ATAD5: variants seen among roughly 807,000 people sequenced by gnomAD.
The protein encoded by ATAD5 is ATPase family AAA domain-containing protein 5.
Under a neutral mutation model 176.9 loss-of-function variants are expected in ATAD5, and 58 were observed. The ratio of observed to expected loss-of-function variants is 0.33; its 90% CI spans 0.27 to 0.41. ATAD5 has a LOEUF of 0.41. Among genes scored for constraint, ATAD5 ranks in the 10% least tolerant of loss-of-function variants. The pLI is 1.00. For synonymous variants in ATAD5, 640 were observed against 712.6 expected, an observed-to-expected ratio of 0.90 and a Z score of 1.62; for missense variants, 1,789 against 2,094.1, an observed-to-expected ratio of 0.85 and a Z score of 2.84.
At chr17:30,860,232 G>A (rs910783696) in intron 9 of ATAD5, among the ~76,000 whole-genome samples, 11 of 152,062 alleles carry the variant, frequency 7.2e-5, no homozygotes, top group African/African-American at 2.7e-4. Flanking sequence ...CCATGTTACC[G>A]AGGCTGGTCT....
rs1339369874 is a variant in ATAD5 at position 30,879,429 on chromosome 17, C to T, written c.4019C>T (p.Thr1340Ile). Residue 1340 changes from threonine (T) to isoleucine (I), a missense_variant, in exon 18 of 23, where the codon ACA becomes ATA. Physicochemically the swap from Thr to Ile is moderately conservative, Grantham distance 89. Coordinates refer to ENST00000321990, the MANE Select transcript of ATAD5 (RefSeq NM_024857.5). ...TGTGTGTGTGTGTGTGTAGACCCAA[C>T]ATTTAGTTTAATGTTTGATGGCTGC... ...RPVILTTSDP[T>I]FSLMFDGCFE... 1.9e-6 allele frequency: 3 copies of T among 1,592,308 alleles called. No homozygotes were observed. The highest frequency in any genetic ancestry group is 1.7e-6 in the Non-Finnish European group (2 of 1,173,618).
At chr17:30,847,331 G>T (rs4968225) in intron 6 of ATAD5, among the ~76,000 whole-genome samples, 16,860 of 142,694 alleles carry the variant, frequency 0.12, 1,014 homozygotes, top group East Asian at 0.24. Flanking sequence ...TATATATAGA[G>T]AGAGAGAGAG....
Position 30,876,563 on chromosome 17 carries a change from A to T in ATAD5, c.3784+13A>T. Reference sequence around the variant, plus strand: ...GAAAATAATAAAGGTAAGACATTAAATTGACAAATTTTATATTTTTTAATA... The same window carrying T: ...GAAAATAATAAAGGTAAGACATTAATTTGACAAATTTTATATTTTTTAATA... On this transcript the variant is annotated intron_variant, in intron 15 of 22. Transcript: ENST00000321990. The T allele has an allele frequency of 6.7e-7, 1 of 1,491,276 alleles. No homozygotes were observed. Among genetic ancestry groups the T allele is most frequent in the Non-Finnish European group, 9.1e-7 (1 of 1,094,024 alleles). 92.4% of individuals were successfully genotyped at this position (1,491,276 alleles called of 1,614,324 possible).
intron 14 of ATAD5, among the ~76,000 whole-genome samples, chr17:30,874,369 C>A (rs1486217833): frequency 1.3e-5 from 2 of 150,718 alleles, no homozygotes; most frequent in South Asian, 2.1e-4. Flanking sequence ...GTTGAAATCC[C>A]GTCTCTACTA....
intron 19 of ATAD5, among the ~76,000 whole-genome samples, chr17:30,891,938 C>T (rs543956970): frequency 1.3e-5 from 2 of 150,440 alleles, no homozygotes; most frequent in Non-Finnish European, 3.0e-5. Flanking sequence ...AACTCCTGAA[C>T]TCAAGTGATC....
intron 4 of ATAD5, among the ~76,000 whole-genome samples, chr17:30,842,252 GA>G (rs1444038279): frequency 6.6e-6 from 1 of 151,382 alleles, no homozygotes; most frequent in Non-Finnish European, 1.5e-5. Flanking sequence ...CTGGGTAACA[GA>G]GTGAGACTCC....
intron 18 of ATAD5, 83 bp from the exon 19 acceptor site, chr17:30,887,109 C>T (rs1342304224): frequency 4.0e-6 from 5 of 1,243,752 alleles, no homozygotes; most frequent in Non-Finnish European, 5.4e-6. Context: ...AAATTTGTCT[C>T]ACTTTTAGAT....
rs139958754 is a variant in ATAD5, at chr17:30,835,209, A to T, written c.1128A>T (p.Glu376Asp). Residue 376 changes from glutamate (E) to aspartate (D), a missense_variant, in exon 2 of 23, where the codon GAA (glutamate) becomes GAT (aspartate). By Grantham distance (45) the Glu-to-Asp change is conservative. Transcript: ENST00000321990. ...KRKSNVVIQE[E>D]ELELAVLEAG... ...AATCTAATGTTGTTATACAGGAGGA[A>T]GAATTAGAATTGGCTGTTTTGGAAG... 6.2e-7 allele frequency: 1 copy of T among 1,613,936 alleles called. No homozygotes were observed. The highest frequency in any genetic ancestry group is 1.3e-5 in the African/African-American group (1 of 74,936).
Position 30,894,704 on chromosome 17 carries a change from A to G in ATAD5, c.5438A>G (p.Gln1813Arg), listed in dbSNP as rs1909822484. 6.2e-7 allele frequency: 1 copy of G among 1,607,868 alleles called. No individual in the cohort carries two copies. Among genetic ancestry groups the G allele is most frequent in the South Asian group, 1.1e-5 (1 of 89,606 alleles). ...TGTAAGACTGAGAAGCTAAAAGAACAAGGAAAAAGTAAAAGAAGGTAAAGG... is the reference window on the plus strand; with the variant it reads ...TGTAAGACTGAGAAGCTAAAAGAACGAGGAAAAAGTAAAAGAAGGTAAAGG... ...NICKTEKLKEQGKSKRRFLHY... is the reference protein window; with the variant it reads ...NICKTEKLKERGKSKRRFLHY... The change falls in exon 22 of 23, where the codon CAA becomes CGA. Residue 1813 changes from glutamine (Q) to arginine (R), a missense_variant. Transcript: ENST00000321990.
In ATAD5 at chr17:30,835,442, T is replaced by C; in HGVS notation, c.1361T>C (p.Met454Thr). 1 of 1,611,506 alleles carries C rather than the reference T, an allele frequency of 6.2e-7. No homozygotes were observed. Among genetic ancestry groups the C allele is most frequent in the Non-Finnish European group, 8.5e-7 (1 of 1,179,336 alleles). Residue 454 changes from methionine (M) to threonine (T), a missense_variant, in exon 2 of 23, where the codon ATG (methionine) becomes ACG (threonine). Physicochemically the swap from Met to Thr is moderately conservative, Grantham distance 81. This residue lies in a region of ATAD5 where 696 missense variants were observed against 712.5 expected (regional missense o/e 0.98). Coordinates refer to ENST00000321990, the MANE Select transcript of ATAD5 (RefSeq NM_024857.5). ...KKIMENSGIQ[M>T]VSKNGNLQLH... ...ATCATGGAAAATTCTGGTATCCAAA[T>C]GGTTTCAAAAAATGGCAATTTACAG...
chr17:30,887,751 G>A (rs1909399272), intron 19 of ATAD5, among the ~76,000 whole-genome samples: 1 of 152,114 alleles, frequency 6.6e-6, no homozygotes, highest in African/African-American at 2.4e-5. Flanking sequence ...AAGAGTTTGA[G>A]GCTGCAGTGA....
intron 3 of ATAD5, among the ~76,000 whole-genome samples, chr17:30,838,916 C>G (rs9890032): frequency 0.48 from 73,691 of 152,096 alleles, 19,842 homozygotes; most frequent in African/African-American, 0.75. Flanking sequence ...ACTTATCCAG[C>G]CTTGTGTACT....
Position 30,835,823 on chromosome 17 carries a change from C to T in ATAD5, c.1742C>T (p.Ser581Phe). 2 of 1,613,344 alleles carry T rather than the reference C, an allele frequency of 1.2e-6. No individual in the cohort carries two copies. The highest frequency in any genetic ancestry group is 8.5e-7 in the Non-Finnish European group (1 of 1,179,788). ...AAGCTTACACAGTCTAAAGCTGAAT[C>T]TGAAGCCAGCTTGCTAAATGTTTCC... ...DIKLTQSKAE[S>F]EASLLNVSTP... Residue 581 changes from serine (S) to phenylalanine (F), a missense_variant, in exon 2 of 23, where the codon TCT becomes TTT. Ser to Phe is a radical substitution (Grantham distance 155, BLOSUM62 -2). Coordinates refer to ENST00000321990, the MANE Select transcript of ATAD5 (RefSeq NM_024857.5).
intron 6 of ATAD5, 32 bp from the exon 7 acceptor site, chr17:30,855,111 A>G (rs975907507): frequency 8.5e-6 from 13 of 1,532,364 alleles, no homozygotes; most frequent in Non-Finnish European, 1.1e-5. Flanking sequence ...TTATAACCTT[A>G]GCTTTTCTTT....
chr17:30,851,489 C>A (rs1345685092), intron 6 of ATAD5, among the ~76,000 whole-genome samples: 9 of 144,650 alleles, frequency 6.2e-5, no homozygotes, highest in Non-Finnish European at 1.5e-5. Context: ...GAGCAAGACT[C>A]TGTCTCAAAA....
chr17:30,840,219 A>G (rs1300590933), intron 3 of ATAD5, among the ~76,000 whole-genome samples: 2 of 136,622 alleles, frequency 1.5e-5, no homozygotes, highest in Non-Finnish European at 3.2e-5. Flanking sequence ...AAAAAAAAAA[A>G]CAACCTTGAG....
rs1010177718 is a variant in ATAD5, at chr17:30,895,154, G to A, written c.*241G>A. 4 of 314,974 alleles carry A rather than the reference G, an allele frequency of 1.3e-5. No homozygotes were observed. The highest frequency in any genetic ancestry group is 2.2e-5 in the African/African-American group (1 of 45,054). The allele number at this position is 314,974 out of a possible 1,614,324, so 19.5% of individuals were successfully genotyped here. A position where few individuals can be genotyped will look rare whatever the true frequency, so the allele number is the denominator to read the frequency against. On this transcript the variant is annotated 3_prime_UTR_variant, in exon 23 of 23. Coordinates refer to ENST00000321990, the MANE Select transcript of ATAD5 (RefSeq NM_024857.5). ...ATTTAGCTTTGTTGGAGTATTTTTT[G>A]TATGTGAGTGAACTGTTTCTGGAAG...
chr17:30,856,265 C>T lies in ATAD5; in HGVS notation c.2636-690C>T, dbSNP rs1021690440. Among the ~76,000 whole-genome samples, 3 of 152,246 alleles carry T rather than the reference C, an allele frequency of 2.0e-5. No homozygotes were observed. The East Asian group carries it at 5.8e-4, about 29-fold the overall frequency. On this transcript the variant is annotated intron_variant, in intron 7 of 22. Transcript: ENST00000321990. ...ATATCTAGTTTAATCCTGATAACAA[C>T]TCTAAGAGGTTGAGTATTATAATTA... is the stretch of plus-strand genomic sequence containing the variant.
intron 14 of ATAD5, among the ~76,000 whole-genome samples, chr17:30,874,579 T>A (rs1249655579): frequency 6.9e-6 from 1 of 144,716 alleles, no homozygotes; most frequent in Non-Finnish European, 1.5e-5. Context: ...GAAAAAATGG[T>A]GTTTTTTATA....
Sources: allele counts gnomAD v4.1 joint callset (sites outside exome capture counted in the v4.1 genomes callset), GRCh38; gene constraint gnomAD v4.1.1; regional missense constraint gnomAD v4.1.1; transcripts MANE v1.5; gene names NCBI Gene and HGNC (gene_info 2026-07-23, HGNC 2026-07-21).